Variants in STAT1 observed in about 807,000 individuals in gnomAD.
STAT1 encodes signal transducer and activator of transcription 1-alpha/beta.
STAT1 carries 24 observed loss-of-function variants against 111.7 expected under a neutral mutation model. That is an observed-to-expected ratio of 0.21 (90% CI 0.16 to 0.30). STAT1 has a LOEUF of 0.30. STAT1 is among the 10% of genes least tolerant of loss of function. STAT1 has a pLI of 1.00. For synonymous variants in STAT1, 332 were observed against 326.5 expected (o/e 1.02, Z -0.18); for missense variants, 351 against 911.9 (o/e 0.38, Z 7.92).
Position 190,969,655 on chromosome 2 carries a change from A to G in STAT1, c.*1048T>C, listed in dbSNP as rs1259996266. 1 of 152,234 alleles carries G rather than the reference A, an allele frequency of 6.6e-6. No homozygotes were observed. Among genetic ancestry groups the G allele is most frequent in the Non-Finnish European group, 1.5e-5 (1 of 68,018 alleles). 9.4% of individuals were successfully genotyped at this position (152,234 alleles called of 1,614,324 possible). ...TATCAGCGAAACATATGCAGTTCTCAATGCAGTTACATAGGAAATGAGTTT... is the reference window on the plus strand; with the variant it reads ...TATCAGCGAAACATATGCAGTTCTCGATGCAGTTACATAGGAAATGAGTTT... On this transcript the variant is annotated 3_prime_UTR_variant, in exon 25 of 25. Transcript: ENST00000361099.
chr2:191,005,946 A>C (rs1559023747), intron 5 of STAT1, among the ~76,000 whole-genome samples: 1 of 152,170 alleles, frequency 6.6e-6, no homozygotes, highest in Non-Finnish European at 1.5e-5. Context: ...CAGATTACCT[A>C]CATTTTTAAT....
rs548474773 is a variant in STAT1 at position 190,993,399 on chromosome 2, C to T, written c.944+1662G>A. ...CATATTTGAAGCTTGATTGTTTTCC[C>T]GTCTAACTCTATAGTTCTTATTTTG... On this transcript the variant is annotated intron_variant, in intron 10 of 24. Coordinates refer to ENST00000361099, the MANE Select transcript of STAT1 (RefSeq NM_007315.4). The surrounding 1 kb of genome is among the most constrained non-coding windows in gnomAD (Gnocchi z 4.1). 37 of 1,385,394 alleles carry T rather than the reference C, an allele frequency of 2.7e-5. No homozygotes were observed. The East Asian group carries it at 2.9e-4, about 11-fold the overall frequency. The allele number at this position is 1,385,394 out of a possible 1,614,324, so 85.8% of individuals were successfully genotyped here.
rs1378157426 is a variant in STAT1 at position 190,979,010 on chromosome 2, C to T, written c.1728-9G>A. On this transcript the variant is annotated splice_polypyrimidine_tract_variant and intron_variant, in intron 20 of 24. Coordinates refer to ENST00000361099, the MANE Select transcript of STAT1 (RefSeq NM_007315.4). This position sits in a 1 kb window ranked among gnomAD's most constrained non-coding sequence, Gnocchi z 5.8. ...TGAAGCCCATGATGCACCTGGATAT[C>T]GAAGAGATGGACGGATGGGCTTTTA... The T allele has an allele frequency of 1.9e-6, 3 of 1,614,072 alleles. No individual in the cohort carries two copies. The highest frequency in any genetic ancestry group is 2.5e-6 in the Non-Finnish European group (3 of 1,180,000).
At position 190,987,847 on chromosome 2, in the gene STAT1, G is replaced by T. The variant is rs185530381; in HGVS notation, c.1098-779C>A. ...TGAATGACAATCACCATTAGCTATG[G>T]AAGGGACCTATTTTCCCGTTTGGAA... On this transcript the variant is annotated intron_variant, in intron 12 of 24. Transcript: ENST00000361099. The surrounding 1 kb of genome is among the most constrained non-coding windows in gnomAD (Gnocchi z 4.0). 2.0e-5 allele frequency among the ~76,000 whole-genome samples: 3 copies of T among 152,220 alleles called. No homozygotes were observed. The highest frequency in any genetic ancestry group is 6.5e-5 in the Admixed American group (1 of 15,298).
In STAT1 at chr2:190,977,470, TA is replaced by T; in HGVS notation, c.1874-446del. Reference sequence around the variant, plus strand: ...TTTTTTATTAAAATAAATTATGATATATAGAAAACAACATTTCAAATTAAAA... The same window carrying T: ...TTTTTTATTAAAATAAATTATGATATTAGAAAACAACATTTCAAATTAAAA... On this transcript the variant is annotated intron_variant, in intron 21 of 24. Coordinates refer to ENST00000361099, the MANE Select transcript of STAT1 (RefSeq NM_007315.4). The surrounding 1 kb of genome is among the most constrained non-coding windows in gnomAD (Gnocchi z 4.7). 6.6e-6 allele frequency among the ~76,000 whole-genome samples: 1 copy of T among 152,240 alleles called. No homozygotes were observed. The highest frequency in any genetic ancestry group is 2.1e-4 in the South Asian group (1 of 4,836).
Position 190,983,762 on chromosome 2 carries a change from G to A in STAT1, c.1348-22C>T, listed in dbSNP as rs778043715. On this transcript the variant is annotated intron_variant, in intron 16 of 24. Coordinates refer to ENST00000361099, the MANE Select transcript of STAT1 (RefSeq NM_007315.4). The surrounding 1 kb of genome is among the most constrained non-coding windows in gnomAD (Gnocchi z 5.7). ...TCGTCTAAAGGATGACAAAGACCTT[G>A]AAATCATCTGAATCACAGAAATGTC... The A allele has an allele frequency of 1.3e-5, 21 of 1,593,504 alleles. No homozygotes were observed. The African/African-American group carries it at 2.4e-4, about 18-fold the overall frequency.
At position 190,996,780 on chromosome 2, in the gene STAT1, T is replaced by G. The variant is rs1215200595; in HGVS notation, c.785+1076A>C. ...GTGAGATCTCTGGTCCTTGGACCCT[T>G]AGCAATTGTCCCAGGCCACCTTCCC... On this transcript the variant is annotated intron_variant, in intron 9 of 24. Transcript: ENST00000361099. The surrounding 1 kb of genome is among the most constrained non-coding windows in gnomAD (Gnocchi z 4.5). Among the ~76,000 whole-genome samples, 2 of 152,124 alleles carry G rather than the reference T, an allele frequency of 1.3e-5. No individual in the cohort carries two copies. The highest frequency in any genetic ancestry group is 2.9e-5 in the Non-Finnish European group (2 of 68,012).
At position 190,976,015 on chromosome 2, in the gene STAT1, G is replaced by A; in HGVS notation, c.2060-128C>T. On this transcript the variant is annotated intron_variant, in intron 22 of 24. Coordinates refer to ENST00000361099, the MANE Select transcript of STAT1 (RefSeq NM_007315.4). This position sits in a 1 kb window ranked among gnomAD's most constrained non-coding sequence, Gnocchi z 6.0. ...GCTTAGCCTCCTAAAACTTTAAGGA[G>A]CTATAACCTCCCTGCCTGAGTCACC... 6 of 807,872 alleles carry A rather than the reference G, an allele frequency of 7.4e-6. No individual in the cohort carries two copies. The highest frequency in any genetic ancestry group is 7.4e-5 in the South Asian group (5 of 67,804). The allele number at this position is 807,872 out of a possible 1,614,324, so 50.0% of individuals were successfully genotyped here.
chr2:190,983,095 T>A lies in STAT1; in HGVS notation c.1446+547A>T, dbSNP rs1692512194. Among the ~76,000 whole-genome samples the A allele has an allele frequency of 6.6e-6, 1 of 152,130 alleles. No individual in the cohort carries two copies. Among genetic ancestry groups the A allele is most frequent in the African/African-American group, 2.4e-5 (1 of 41,410 alleles). On this transcript the variant is annotated intron_variant, in intron 17 of 24. Coordinates refer to ENST00000361099, the MANE Select transcript of STAT1 (RefSeq NM_007315.4). This position sits in a 1 kb window ranked among gnomAD's most constrained non-coding sequence, Gnocchi z 5.7. Reference sequence around the variant, plus strand: ...GAGTTACAGTGATCCTAGCTATAGGTGTAATGTTAATGCCTCAACAAGTGT... The same window carrying A: ...GAGTTACAGTGATCCTAGCTATAGGAGTAATGTTAATGCCTCAACAAGTGT...
At position 190,978,870 on chromosome 2, in the gene STAT1, G is replaced by A; in HGVS notation, c.1859C>T (p.Ser620Phe). ...CTCCCACTCACCGCCTCCGTTCTGG[G>A]ACCGCTCCACCCATGTGAATGTGAT... ...GAITFTWVER[S>F]QNGGEPDFHA... Residue 620 changes from serine to phenylalanine, a missense_variant, in exon 21 of 25, where the codon TCC becomes TTC. Ser to Phe is a radical substitution (Grantham distance 155, BLOSUM62 -2). This residue lies in a region of STAT1 where 181 missense variants were observed against 426.1 expected (regional missense o/e 0.42). Transcript: ENST00000361099. This position sits in a 1 kb window ranked among gnomAD's most constrained non-coding sequence, Gnocchi z 6.1. The A allele has an allele frequency of 6.2e-7, 1 of 1,614,078 alleles. No homozygotes were observed. Among genetic ancestry groups the A allele is most frequent in the Non-Finnish European group, 8.5e-7 (1 of 1,180,012 alleles).
In STAT1 at chr2:190,971,012, G is replaced by C. The variant is rs777588246; in HGVS notation, c.2239-295C>G. On this transcript the variant is annotated intron_variant, in intron 24 of 24. Coordinates refer to ENST00000361099, the MANE Select transcript of STAT1 (RefSeq NM_007315.4). This position sits in a 1 kb window ranked among gnomAD's most constrained non-coding sequence, Gnocchi z 4.1. ...TTGCTGTTATGCAAGTCTGGGGACA[G>C]AGCAACGTGTCAAATCTGCTCATGT... Among the ~76,000 whole-genome samples the C allele has an allele frequency of 6.6e-6, 1 of 152,228 alleles. No homozygotes were observed. Among genetic ancestry groups the C allele is most frequent in the Non-Finnish European group, 1.5e-5 (1 of 68,044 alleles).
chr2:190,994,246 C>A (rs528883841), intron 10 of STAT1, among the ~76,000 whole-genome samples: 1 of 152,086 alleles, frequency 6.6e-6, no homozygotes, highest in Non-Finnish European at 1.5e-5. Flanking sequence ...TAGAAAGGGG[C>A]GTGTGTGGAC....
intron 2 of STAT1, chr2:191,010,246 T>C (rs188785623): frequency 6.0e-5 from 31 of 512,844 alleles, no homozygotes; most frequent in African/African-American, 5.5e-4. Context: ...TGTCAACATA[T>C]CAGGGCAGCC....
In STAT1 at chr2:190,999,934, G is replaced by T. The variant is rs1157852308; in HGVS notation, c.463-230C>A. 6.6e-6 allele frequency among the ~76,000 whole-genome samples: 1 copy of T among 152,168 alleles called. No homozygotes were observed. The highest frequency in any genetic ancestry group is 1.9e-4 in the East Asian group (1 of 5,192). On this transcript the variant is annotated intron_variant, in intron 6 of 24. Coordinates refer to ENST00000361099, the MANE Select transcript of STAT1 (RefSeq NM_007315.4). This position sits in a 1 kb window ranked among gnomAD's most constrained non-coding sequence, Gnocchi z 4.1. ...GCAAACGTACAATAATTCTCAAACT[G>T]ATTTGTATGTCCTTAACCTGGTTCC...
Position 191,013,663 on chromosome 2 carries a change from C to G in STAT1, c.-140G>C, listed in dbSNP as rs118149197. ...CTAGACAGCTCTCGAGGATGGCATACAGCAAATGAAACTTTCTGCGAAAAG... is the reference window on the plus strand; with the variant it reads ...CTAGACAGCTCTCGAGGATGGCATAGAGCAAATGAAACTTTCTGCGAAAAG... On this transcript the variant is annotated 5_prime_UTR_variant, in exon 2 of 25. Transcript: ENST00000361099. 1.4e-3 allele frequency: 556 copies of G among 398,676 alleles called. 3 individuals carry two copies. Among genetic ancestry groups the G allele is most frequent in the East Asian group, 0.012 (328 of 28,078 alleles). The allele number at this position is 398,676 out of a possible 1,614,324, so 24.7% of individuals were successfully genotyped here. A position where few individuals can be genotyped will look rare whatever the true frequency, so the allele number is the denominator to read the frequency against.
chr2:190,996,493 A>T lies in STAT1; in HGVS notation c.786-1274T>A, dbSNP rs919390475. Among the ~76,000 whole-genome samples the T allele has an allele frequency of 2.5e-4, 38 of 152,152 alleles. No homozygotes were observed. Among genetic ancestry groups the T allele is most frequent in the African/African-American group, 8.9e-4 (37 of 41,434 alleles). ...AATGACAGCACAGTGGGAAAACTAG[A>T]GGGCATGTGTGTCCCTACAAGAGGC... On this transcript the variant is annotated intron_variant, in intron 9 of 24. Coordinates refer to ENST00000361099, the MANE Select transcript of STAT1 (RefSeq NM_007315.4). This position sits in a 1 kb window ranked among gnomAD's most constrained non-coding sequence, Gnocchi z 4.5.
rs1691888709 is a variant in STAT1 at position 190,976,106 on chromosome 2, A to G, written c.2060-219T>C. On this transcript the variant is annotated intron_variant, in intron 22 of 24. Transcript: ENST00000361099. This position sits in a 1 kb window ranked among gnomAD's most constrained non-coding sequence, Gnocchi z 6.0. The stretch of plus-strand genomic sequence containing the variant: ...TCTGAATTCAGTCTGGAAATAAGCT[A>G]GTGTTCAGCAGGACACTAGCTAGGA... Among the ~76,000 whole-genome samples, 1 of 152,232 alleles carries G rather than the reference A, an allele frequency of 6.6e-6. No homozygotes were observed. Among genetic ancestry groups the G allele is most frequent in the African/African-American group, 2.4e-5 (1 of 41,464 alleles).
At position 190,982,401 on chromosome 2, in the gene STAT1, A is replaced by G. The variant is rs2230100; in HGVS notation, c.1564T>C (p.Leu522=). 7 of 1,614,118 alleles carry G rather than the reference A, an allele frequency of 4.3e-6. No individual in the cohort carries two copies. In the African/African-American group the frequency reaches 9.3e-5, roughly 22 times the overall value. The change falls in exon 18 of 25, where the codon TTG becomes CTG. Residue 522 remains leucine (L), a synonymous_variant. Transcript: ENST00000361099. This position sits in a 1 kb window ranked among gnomAD's most constrained non-coding sequence, Gnocchi z 7.3. ...CATATACCAAGAAGCTTCTCTCCCA[A>G]CATGTTCAGCTGGTCCACATTGAGA... The part of the protein sequence containing the change: ...RGLNVDQLNM[L]GEKLLGPNAS...
At position 190,983,530 on chromosome 2, in the gene STAT1, C is replaced by T; in HGVS notation, c.1446+112G>A. The T allele has an allele frequency of 1.1e-6, 1 of 913,572 alleles. No homozygotes were observed. Among genetic ancestry groups the T allele is most frequent in the Non-Finnish European group, 1.8e-6 (1 of 546,910 alleles). The allele number at this position is 913,572 out of a possible 1,614,324, so 56.6% of individuals were successfully genotyped here. On this transcript the variant is annotated intron_variant, in intron 17 of 24. Transcript: ENST00000361099. This position sits in a 1 kb window ranked among gnomAD's most constrained non-coding sequence, Gnocchi z 5.7. ...AAAAGCCTTAGAAATACCACAGGAG[C>T]TTTGTCACTTCTCCCTTAACAACTG...
Sources: allele counts gnomAD v4.1 joint callset (sites outside exome capture counted in the v4.1 genomes callset), GRCh38; gene constraint gnomAD v4.1.1; regional missense constraint gnomAD v4.1.1; non-coding constraint Gnocchi (gnomAD v3.1); transcripts MANE v1.5; gene names NCBI Gene and HGNC (gene_info 2026-07-23, HGNC 2026-07-21).